Variants in GALNT13 observed in about 807,000 individuals in gnomAD.
GALNT13 encodes UDP-GalNAc:polypeptide N-acetylgalactosaminyltransferase 13.
GALNT13 carries 28 observed loss-of-function variants against 64.2 expected under a neutral mutation model. That is an observed-to-expected ratio of 0.44 (90% CI 0.32 to 0.60). GALNT13 has a LOEUF of 0.60. GALNT13 is among the 20% of genes least tolerant of loss of function. The probability of loss-of-function intolerance (pLI) is 0.05; values close to 1 mark genes in which losing one functional copy is unlikely to be tolerated. For synonymous variants in GALNT13, 214 were observed against 224.6 expected, an observed-to-expected ratio of 0.95 and a Z score of 0.42; for missense variants, 577 against 669.8, an observed-to-expected ratio of 0.86 and a Z score of 1.53.
chr2:153,695,527 C>G, the GALNT13 span, among the ~76,000 whole-genome samples: 1 of 152,130 alleles, frequency 6.6e-6, no homozygotes, highest in African/African-American at 2.4e-5. Flanking sequence ...GAAGCATGAT[C>G]AGCGGAATTG....
At chr2:154,225,160 T>TGATAGATAGATA (rs56211679) in intron 4 of GALNT13, among the ~76,000 whole-genome samples, 18,569 of 136,510 alleles carry the variant, frequency 0.14, 1,577 homozygotes, top group Non-Finnish European at 0.16. Flanking sequence ...GATAGATAGA[T>TGATAGATAGATA]GATAGATAGA....
At chr2:154,416,091 T>C (rs1435497501) in intron 11 of GALNT13, among the ~76,000 whole-genome samples, 1 of 152,128 alleles carries the variant, frequency 6.6e-6, no homozygotes, top group Non-Finnish European at 1.5e-5. Flanking sequence ...AATGCTTGAC[T>C]GGGAGAACTT....
intron 9 of GALNT13, among the ~76,000 whole-genome samples, chr2:154,307,431 A>C (rs1693799105): frequency 6.6e-6 from 1 of 152,212 alleles, no homozygotes; most frequent in Non-Finnish European, 1.5e-5. Context: ...AAATAGCTTC[A>C]TGTGTGAATA....
the GALNT13 span, among the ~76,000 whole-genome samples, chr2:153,301,926 TTTTC>T: frequency 6.6e-6 from 1 of 151,136 alleles, no homozygotes; most frequent in African/African-American, 2.5e-5. Flanking sequence ...GTATATCACA[TTTTC>T]TTTATCTATT....
At position 154,140,794 on chromosome 2, in the gene GALNT13, G is replaced by A. The variant is rs1243720776; in HGVS notation, c.311+289G>A. ...GTCATTTTGTTGTGCTTTCTTTATC[G>A]TACCAGATTCAGAGCAAATATGCTC... On this transcript the variant is annotated intron_variant, in intron 4 of 12. Transcript: ENST00000392825. Among the ~76,000 whole-genome samples, 4 of 152,014 alleles carry A rather than the reference G, an allele frequency of 2.6e-5. No homozygotes were observed. The East Asian group carries it at 7.7e-4, about 29-fold the overall frequency.
At chr2:153,555,880 T>A in the GALNT13 span, among the ~76,000 whole-genome samples, 3 of 152,306 alleles carry the variant, frequency 2.0e-5, no homozygotes, top group African/African-American at 7.2e-5. Context: ...TATTAGCAAA[T>A]AACTTATTTC....
At chr2:154,371,951 A>G (rs1386571069) in intron 9 of GALNT13, among the ~76,000 whole-genome samples, 1 of 152,036 alleles carries the variant, frequency 6.6e-6, no homozygotes, top group Non-Finnish European at 1.5e-5. Context: ...CACAAGTTTA[A>G]CCACTTATAC....
At chr2:154,052,571 A>T (rs1014453915) in intron 3 of GALNT13, among the ~76,000 whole-genome samples, 1 of 152,046 alleles carries the variant, frequency 6.6e-6, no homozygotes, top group Non-Finnish European at 1.5e-5. Context: ...GTGAGTGAGT[A>T]TAAGAGAGAG....
At chr2:154,089,199 T>C (rs1260530842) in intron 3 of GALNT13, among the ~76,000 whole-genome samples, 1 of 152,114 alleles carries the variant, frequency 6.6e-6, no homozygotes, top group Non-Finnish European at 1.5e-5. Context: ...TCTTATGGAC[T>C]GCCTACTCCA....
chr2:153,245,426 G>T, the GALNT13 span, among the ~76,000 whole-genome samples: 7 of 152,228 alleles, frequency 4.6e-5, no homozygotes, highest in Non-Finnish European at 7.3e-5. Context: ...CTGGCACAAA[G>T]CTCTCAGAGG....
At chr2:153,725,801 A>G in the GALNT13 span, among the ~76,000 whole-genome samples, 12 of 152,202 alleles carry the variant, frequency 7.9e-5, no homozygotes, top group African/African-American at 2.9e-4. Context: ...ATATGAAAAA[A>G]GAAGTGTTTT....
chr2:153,805,175 T>C, the GALNT13 span, among the ~76,000 whole-genome samples: 4 of 151,760 alleles, frequency 2.6e-5, no homozygotes, highest in East Asian at 7.7e-4. Context: ...ATGAGAACAA[T>C]TGGTAGTCAA....
the GALNT13 span, among the ~76,000 whole-genome samples, chr2:153,549,850 A>G: frequency 6.6e-6 from 1 of 152,224 alleles, no homozygotes; most frequent in Non-Finnish European, 1.5e-5. Context: ...AAAGTAAAAT[A>G]TCTGGCAGCG....
chr2:153,302,180 A>G, the GALNT13 span, among the ~76,000 whole-genome samples: 1 of 152,170 alleles, frequency 6.6e-6, no homozygotes, highest in Non-Finnish European at 1.5e-5. Context: ...AAAGTGTGCA[A>G]CAGCTCTCTT....
At chr2:153,871,304 A>T (rs1251832537), upstream of GALNT13, among the ~76,000 whole-genome samples, 7 of 152,190 alleles carry the variant, frequency 4.6e-5, no homozygotes, top group African/African-American at 1.7e-4. Flanking sequence ...CAGTACTCTT[A>T]CAGTGCGTTC....
rs114567852 is a variant in GALNT13 at position 154,030,210 on chromosome 2, C to T, written c.142+85571C>T. On this transcript the variant is annotated intron_variant, in intron 3 of 12. Coordinates refer to ENST00000392825, the MANE Select transcript of GALNT13 (RefSeq NM_052917.4). Reference sequence around the variant, plus strand: ...AAACAAATTGAAGAAGCTCAGAGAACGATACACACATAAACACATGTATAA... The same window carrying T: ...AAACAAATTGAAGAAGCTCAGAGAATGATACACACATAAACACATGTATAA... Among the ~76,000 whole-genome samples, 1,170 of 151,992 alleles carry T rather than the reference C, an allele frequency of 7.7e-3. 16 individuals are homozygous for T. Among genetic ancestry groups the T allele is most frequent in the African/African-American group, 0.027 (1,111 of 41,510 alleles).
At chr2:153,482,750 C>T in the GALNT13 span, among the ~76,000 whole-genome samples, 1 of 150,916 alleles carries the variant, frequency 6.6e-6, no homozygotes, top group Non-Finnish European at 1.5e-5. Flanking sequence ...GGATTACAGG[C>T]GTAGCCAACG....
At chr2:153,853,418 T>C in the GALNT13 span, among the ~76,000 whole-genome samples, 1 of 152,088 alleles carries the variant, frequency 6.6e-6, no homozygotes, top group Non-Finnish European at 1.5e-5. Flanking sequence ...CCCTTATTTA[T>C]AATAGTCAAA....
chr2:154,376,739 A>G (rs988647598), intron 9 of GALNT13, among the ~76,000 whole-genome samples: 3 of 152,126 alleles, frequency 2.0e-5, no homozygotes, highest in Admixed American at 6.5e-5. Flanking sequence ...TTTAATTCAA[A>G]CTCATTAATA....
Sources: gnomAD v4.1 joint callset for allele counts (sites outside exome capture counted in the v4.1 genomes callset) on GRCh38, gnomAD v4.1.1 for gene constraint, MANE v1.5 for transcripts, NCBI Gene and HGNC (gene_info 2026-07-23, HGNC 2026-07-21) for gene names.